METTL15: variants seen among roughly 807,000 people sequenced by gnomAD.
METTL15 encodes methyltransferase 15, mitochondrial 12S rRNA N4-cytidine.
METTL15 carries 34 observed loss-of-function variants against 38.3 expected under a neutral mutation model. That is an observed-to-expected ratio of 0.89 (90% CI 0.68 to 1.18). METTL15 has a LOEUF of 1.18. Among genes scored for constraint, METTL15 ranks in the 50% most tolerant of loss-of-function variants. METTL15 has a pLI of 0.00. For synonymous variants in METTL15, 162 were observed against 170.9 expected, an observed-to-expected ratio of 0.95 and a Z score of 0.41; for missense variants, 438 against 498.4, an observed-to-expected ratio of 0.88 and a Z score of 1.15.
At chr11:28,120,760 T>C (rs1354180433) in intron 3 of METTL15, among the ~76,000 whole-genome samples, 2 of 152,218 alleles carry the variant, frequency 1.3e-5, no homozygotes, top group African/African-American at 4.8e-5. Flanking sequence ...TGAGAACATC[T>C]TGTTCATATT....
intron 4 of METTL15, among the ~76,000 whole-genome samples, chr11:28,259,616 C>G (rs374849657): frequency 6.6e-6 from 1 of 152,180 alleles, no homozygotes; most frequent in Non-Finnish European, 1.5e-5. Context: ...TGAATTTGGT[C>G]TGGTTTCACT....
At chr11:28,168,153 T>C (rs1590853847) in intron 3 of METTL15, among the ~76,000 whole-genome samples, 1 of 152,222 alleles carries the variant, frequency 6.6e-6, no homozygotes, top group African/African-American at 2.4e-5. Context: ...AAGCCCTCTT[T>C]GTCTTTGCCC....
At chr11:28,232,807 T>C (rs1853742582) in intron 4 of METTL15, among the ~76,000 whole-genome samples, 1 of 151,966 alleles carries the variant, frequency 6.6e-6, no homozygotes, top group Admixed American at 6.6e-5. Flanking sequence ...ATTTTATCTT[T>C]TTCTCCTGGA....
At chr11:28,268,261 T>C (rs911791509) in intron 4 of METTL15, among the ~76,000 whole-genome samples, 2 of 150,852 alleles carry the variant, frequency 1.3e-5, no homozygotes, top group Non-Finnish European at 3.0e-5. Flanking sequence ...ATAATAATTG[T>C]ATAATACTAG....
intron 3 of METTL15, among the ~76,000 whole-genome samples, chr11:28,136,048 A>G (rs564385148): frequency 1.4e-4 from 22 of 152,276 alleles, no homozygotes; most frequent in Admixed American, 1.0e-3. Context: ...GCACCTGTCA[A>G]AGTACTATAT....
At chr11:28,187,331 C>T (rs1019526504) in intron 3 of METTL15, among the ~76,000 whole-genome samples, 7 of 150,916 alleles carry the variant, frequency 4.6e-5, no homozygotes, top group Non-Finnish European at 1.0e-4. Context: ...AAATTCATCA[C>T]TTATGAAGTG....
chr11:28,339,899 AT>A (rs1171195341), intron 3 of METTL15, among the ~76,000 whole-genome samples: 2 of 152,164 alleles, frequency 1.3e-5, no homozygotes, highest in Non-Finnish European at 2.9e-5. Context: ...GCAAATCAAG[AT>A]GTGAAAAACA....
intron 6 of METTL15, among the ~76,000 whole-genome samples, chr11:28,509,857 G>A (rs887980869): frequency 6.6e-6 from 1 of 152,076 alleles, no homozygotes; most frequent in Non-Finnish European, 1.5e-5. Flanking sequence ...TCCCTCACTT[G>A]TCTCTGCTTT....
chr11:28,136,893 AATG>A (rs1849531558), intron 3 of METTL15, among the ~76,000 whole-genome samples: 1 of 152,100 alleles, frequency 6.6e-6, no homozygotes, highest in African/African-American at 2.4e-5. Context: ...CTTTTGCCAA[AATG>A]ATGACTTAAA....
At chr11:28,444,264 A>G (rs557141419) in intron 6 of METTL15, among the ~76,000 whole-genome samples, 1 of 152,314 alleles carries the variant, frequency 6.6e-6, no homozygotes, top group Admixed American at 6.5e-5. Context: ...GTATAGCTAC[A>G]TACTGTCAAG....
chr11:28,460,999 T>C (rs1464680158), intron 6 of METTL15, among the ~76,000 whole-genome samples: 1 of 151,950 alleles, frequency 6.6e-6, no homozygotes, highest in African/African-American at 2.4e-5. Context: ...AGGTCAGGGA[T>C]TTAGAATTCA....
rs34912131 is a variant in METTL15, at chr11:28,380,838, GTT to G, written c.*358+18813_*358+18814del. Among the ~76,000 whole-genome samples, 734 of 148,666 alleles carry G rather than the reference GTT, an allele frequency of 4.9e-3. 2 individuals carry two copies. Among genetic ancestry groups the G allele is most frequent in the Middle Eastern group, 0.011 (3 of 284 alleles). On this transcript the variant is annotated intron_variant and NMD_transcript_variant, in intron 5 of 7. Coordinates refer to the METTL15 transcript ENST00000532947. Reference sequence around the variant, plus strand: ...CTAGATGTAGTATTATTAGATGAGAGTTTTTTTTTTTTCATTTCAGCACTTTA... The same window carrying G: ...CTAGATGTAGTATTATTAGATGAGAGTTTTTTTTTTCATTTCAGCACTTTA...
At chr11:28,269,020 G>T (rs578002302) in intron 4 of METTL15, among the ~76,000 whole-genome samples, 1 of 152,218 alleles carries the variant, frequency 6.6e-6, no homozygotes, top group African/African-American at 2.4e-5. Flanking sequence ...CATTTTATTG[G>T]ATATAAATCA....
chr11:28,110,422 T>A (rs1419898883), intron 2 of METTL15, 21 bp downstream of exon 2: 1 of 152,046 alleles, frequency 6.6e-6, no homozygotes, highest in Non-Finnish European at 1.5e-5. Context: ...GGGGACCGAG[T>A]CCCGGGAACT....
intron 5 of METTL15, among the ~76,000 whole-genome samples, chr11:28,396,252 G>C (rs1306275568): frequency 6.6e-6 from 1 of 152,100 alleles, no homozygotes; most frequent in South Asian, 2.1e-4. Flanking sequence ...AGGGCAATCA[G>C]GCAGGAGAAA....
intron 3 of METTL15, chr11:28,197,459 G>T: frequency 2.3e-6 from 1 of 440,924 alleles, no homozygotes; most frequent in Non-Finnish European, 4.8e-6. Flanking sequence ...CATGTGTATT[G>T]TCTTATTTGC....
At chr11:28,325,256 C>G (rs1243704368) in intron 6 of METTL15, among the ~76,000 whole-genome samples, 1 of 152,204 alleles carries the variant, frequency 6.6e-6, no homozygotes, top group Admixed American at 6.5e-5. Flanking sequence ...TGCCTTTGCT[C>G]TGAACTCACT....
intron 6 of METTL15, among the ~76,000 whole-genome samples, chr11:28,488,285 G>A (rs916690449): frequency 4.6e-5 from 7 of 152,078 alleles, no homozygotes; most frequent in African/African-American, 1.7e-4. Flanking sequence ...CTAACTTACA[G>A]TATTATGATC....
chr11:28,335,275 G>A (rs549444190), downstream of METTL15, among the ~76,000 whole-genome samples: 3 of 152,250 alleles, frequency 2.0e-5, no homozygotes, highest in South Asian at 4.1e-4. Context: ...GGAGAAGACC[G>A]TATAGTATTG....
Sources: gnomAD v4.1 joint callset for allele counts (sites outside exome capture counted in the v4.1 genomes callset) on GRCh38, gnomAD v4.1.1 for gene constraint, MANE v1.5 for transcripts, NCBI Gene and HGNC (gene_info 2026-07-23, HGNC 2026-07-21) for gene names.